The following FBN2 variants were observed in gnomAD, a reference collection of about 807,000 sequenced individuals.
FBN2 encodes fibrillin-2.
A neutral mutation model predicts 355.6 loss-of-function variants in FBN2; 105 were observed. The ratio of observed to expected loss-of-function variants is 0.30; its 90% CI spans 0.25 to 0.35. The LOEUF (loss-of-function observed/expected upper bound fraction) is 0.35, where lower values mean the gene tolerates loss of function less well. FBN2 is among the 10% of genes least tolerant of loss of function. FBN2 has a pLI of 1.00. For missense variants in FBN2, 3,280 were observed against 3,758.7 expected, an observed-to-expected ratio of 0.87 and a Z score of 3.33; for synonymous variants, 1,350 against 1,301.2, an observed-to-expected ratio of 1.04 and a Z score of -0.81.
intron 5 of FBN2, among the ~76,000 whole-genome samples, chr5:128,503,787 G>C (rs1431046357): frequency 2.0e-5 from 3 of 152,320 alleles, no homozygotes; most frequent in African/African-American, 7.2e-5. Context: ...CAAGCCAGCT[G>C]TAGAAATTTG....
At chr5:128,374,583 A>G in intron 15 of FBN2, 45 bp downstream of exon 15, 1 of 1,612,950 alleles carries the variant, frequency 6.2e-7, no homozygotes, top group Non-Finnish European at 8.5e-7. Flanking sequence ...CAGTTTTTCA[A>G]AGATCATTTT....
intron 7 of FBN2, among the ~76,000 whole-genome samples, chr5:128,415,029 A>G (rs1027353062): frequency 6.6e-6 from 1 of 152,160 alleles, no homozygotes; most frequent in African/African-American, 2.4e-5. Context: ...CACATGTTAT[A>G]TGATTTGCCT....
chr5:128,282,482 A>G (rs1748989622), intron 55 of FBN2, among the ~76,000 whole-genome samples: 1 of 152,072 alleles, frequency 6.6e-6, no homozygotes, highest in Admixed American at 6.5e-5. Context: ...TTGAACTAAA[A>G]GCGTTCTTGG....
chr5:128,325,422 T>C (rs755022238), intron 34 of FBN2, among the ~76,000 whole-genome samples: 1 of 152,232 alleles, frequency 6.6e-6, no homozygotes, highest in Non-Finnish European at 1.5e-5. Context: ...GAGACTAAGA[T>C]TGCAATCTCT....
intron 5 of FBN2, among the ~76,000 whole-genome samples, chr5:128,489,794 A>G (rs1181411734): frequency 6.6e-6 from 1 of 152,212 alleles, no homozygotes; most frequent in Non-Finnish European, 1.5e-5. Context: ...CAACACAGCA[A>G]CATAAAGAAA....
intron 25 of FBN2, among the ~76,000 whole-genome samples, chr5:128,342,631 G>T (rs1156298906): frequency 6.6e-6 from 1 of 152,156 alleles, no homozygotes. Context: ...CCCAGAGCAG[G>T]AGCTGGGAAG....
chr5:128,347,151 T>C (rs1376716037), intron 23 of FBN2, among the ~76,000 whole-genome samples: 1 of 152,222 alleles, frequency 6.6e-6, no homozygotes. Flanking sequence ...ACTGTGAGGT[T>C]ACTGAAGAAA....
chr5:128,346,621 CTTTT>C (rs1257614212), intron 23 of FBN2, among the ~76,000 whole-genome samples: 7 of 151,840 alleles, frequency 4.6e-5, no homozygotes, highest in Non-Finnish European at 1.0e-4. Context: ...TTCTTTCTTT[CTTTT>C]GAGATGGAGT....
chr5:128,340,536 A>G (rs1750985565), intron 25 of FBN2, among the ~76,000 whole-genome samples: 1 of 152,216 alleles, frequency 6.6e-6, no homozygotes, highest in Non-Finnish European at 1.5e-5. Flanking sequence ...TAAGAGTCAT[A>G]TGAGGAATGT....
At position 128,326,075 on chromosome 5, in the gene FBN2, C is replaced by T. The variant is rs550516693; in HGVS notation, c.4471+2621G>A. ...GTTCTTTAGCTGATTTTGTGTTTTT[C>T]TTCCTTTCGTTTTCACAGAATGCCT... On this transcript the variant is annotated intron_variant, in intron 34 of 64. Coordinates refer to ENST00000262464, the MANE Select transcript of FBN2 (RefSeq NM_001999.4). Among the ~76,000 whole-genome samples the T allele has an allele frequency of 1.9e-4, 29 of 152,176 alleles. No homozygotes were observed. The East Asian group carries it at 5.6e-3, about 29-fold the overall frequency.
rs1554118051 is a variant in FBN2 at position 128,288,502 on chromosome 5, A to G, written c.6693T>C (p.Val2231=). ...TGCAATTGCATTCAAAACTCCCAAT[A>G]ACATTGGTGCATGTACCATTTCCAC... The part of the protein sequence containing the change: ...NPCGNGTCTN[V]IGSFECNCNE... Residue 2231 remains valine, a synonymous_variant, in exon 53 of 65, where the codon GTT becomes GTC. Coordinates refer to ENST00000262464, the MANE Select transcript of FBN2 (RefSeq NM_001999.4). 7 of 1,613,764 alleles carry G rather than the reference A, an allele frequency of 4.3e-6. No homozygotes were observed. In the African/African-American group the frequency reaches 5.3e-5, roughly 12 times the overall value.
At chr5:128,491,051 G>A (rs981485795) in intron 5 of FBN2, among the ~76,000 whole-genome samples, 2 of 139,456 alleles carry the variant, frequency 1.4e-5, no homozygotes, top group Non-Finnish European at 1.5e-5. Context: ...TAACTTGTGA[G>A]GATAGCATCT....
chr5:128,363,578 T>G (rs1751693711), intron 18 of FBN2, among the ~76,000 whole-genome samples: 1 of 152,186 alleles, frequency 6.6e-6, no homozygotes, highest in Non-Finnish European at 1.5e-5. Flanking sequence ...AAACCCAGTA[T>G]CTCAGAATGT....
intron 5 of FBN2, among the ~76,000 whole-genome samples, chr5:128,509,566 T>G (rs1260466154): frequency 6.6e-6 from 1 of 152,180 alleles, no homozygotes; most frequent in East Asian, 1.9e-4. Context: ...GAATTTTAGT[T>G]GATTTTTTTT....
rs75680824 is a variant in FBN2, at chr5:128,426,401, A to G, written c.953-17602T>C. 3.2e-3 allele frequency among the ~76,000 whole-genome samples: 495 copies of G among 152,330 alleles called. 3 individuals carry two copies. Among genetic ancestry groups the G allele is most frequent in the African/African-American group, 0.012 (481 of 41,572 alleles). Reference sequence around the variant, plus strand: ...AACTTTTGCCTGTAGACTTAGGACGATAAGTCATGAAGCTGAAAGTGTTTT... The same window carrying G: ...AACTTTTGCCTGTAGACTTAGGACGGTAAGTCATGAAGCTGAAAGTGTTTT... On this transcript the variant is annotated intron_variant, in intron 7 of 64. Transcript: ENST00000262464.
chr5:128,376,139 T>C (rs1752071635), intron 14 of FBN2, among the ~76,000 whole-genome samples: 1 of 152,200 alleles, frequency 6.6e-6, no homozygotes. Context: ...AGTACAAACA[T>C]AATAAGGTCT....
intron 5 of FBN2, among the ~76,000 whole-genome samples, chr5:128,518,024 G>A (rs894495547): frequency 1.3e-5 from 2 of 152,138 alleles, no homozygotes; most frequent in Non-Finnish European, 2.9e-5. Context: ...GATATGTCAT[G>A]AAACTGTTTA....
chr5:128,412,381 T>C (rs1016780869), intron 7 of FBN2, among the ~76,000 whole-genome samples: 16 of 152,198 alleles, frequency 1.1e-4, no homozygotes, highest in Non-Finnish European at 2.9e-5. Flanking sequence ...TCCAGTGCTC[T>C]CTCCTGAGAG....
intron 6 of FBN2, among the ~76,000 whole-genome samples, chr5:128,449,208 C>G (rs954997563): frequency 5.3e-5 from 8 of 150,064 alleles, no homozygotes; most frequent in African/African-American, 7.3e-5. Flanking sequence ...AAAAGCATAA[C>G]AACAATAACA....
Sources: allele counts gnomAD v4.1 joint callset (sites outside exome capture counted in the v4.1 genomes callset), GRCh38; gene constraint gnomAD v4.1.1; transcripts MANE v1.5; gene names NCBI Gene and HGNC (gene_info 2026-07-23, HGNC 2026-07-21).